Variants in ADARB2 observed in about 807,000 individuals in gnomAD.
ADARB2 encodes the protein adenosine deaminase RNA specific B2 (inactive).
ADARB2 carries 25 observed loss-of-function variants against 62.2 expected under a neutral mutation model. The ratio of observed to expected loss-of-function variants is 0.40; its 90% CI spans 0.29 to 0.56. ADARB2 has a LOEUF of 0.56. Ranked by LOEUF, ADARB2 falls within the 20% of genes least tolerant of loss-of-function variation. The pLI is 0.43. For synonymous variants in ADARB2, 572 were observed against 500.8 expected (o/e 1.14, Z -1.90); for missense variants, 1,071 against 1,077.4 (o/e 0.99, Z 0.08).
intron 1 of ADARB2, among the ~76,000 whole-genome samples, chr10:1,406,285 A>G (rs1199522666): frequency 6.6e-6 from 1 of 152,206 alleles, no homozygotes; most frequent in African/African-American, 2.4e-5. Flanking sequence ...CCAGGGGCTC[A>G]GGCAGGGAGC....
intron 1 of ADARB2, among the ~76,000 whole-genome samples, chr10:1,494,492 C>A (rs61831912): frequency 0.16 from 23,940 of 152,118 alleles, 2,252 homozygotes; most frequent in Middle Eastern, 0.23. Context: ...CTTTGTTCTA[C>A]TTTTTCAAAT....
In ADARB2 at chr10:1,544,956, T is replaced by TATACACAC. The variant is rs10526252; in HGVS notation, c.101-165797_101-165796insGTGTGTAT. ...ATGTGAAGTCTATAATAGCAAAGTA[T>TATACACAC]ACACACACACACACACACACACACA... On this transcript the variant is annotated intron_variant, in intron 1 of 9. Transcript: ENST00000381312. Among the ~76,000 whole-genome samples, 510 of 133,932 alleles carry TATACACAC rather than the reference T, an allele frequency of 3.8e-3. 5 individuals carry two copies. The highest frequency in any genetic ancestry group is 0.012 in the African/African-American group (452 of 36,566). The allele number at this position is 133,932 out of a possible 152,430, so 87.9% of individuals were successfully genotyped here. A position where few individuals can be genotyped will look rare whatever the true frequency, so the allele number is the denominator to read the frequency against.
At chr10:1,673,340 GTGTA>G (rs1312280574) in intron 1 of ADARB2, among the ~76,000 whole-genome samples, 9 of 151,010 alleles carry the variant, frequency 6.0e-5, no homozygotes, top group African/African-American at 9.8e-5. Context: ...GTGTGTGTGT[GTGTA>G]TGTGTGTGTA....
At chr10:1,402,714 C>T (rs575549467) in intron 1 of ADARB2, among the ~76,000 whole-genome samples, 41 of 152,176 alleles carry the variant, frequency 2.7e-4, no homozygotes, top group African/African-American at 7.5e-4. Context: ...CCTCCTGCCC[C>T]GCAGCTTCCT....
intron 1 of ADARB2, among the ~76,000 whole-genome samples, chr10:1,525,972 C>T (rs12414306): frequency 0.014 from 2,147 of 151,424 alleles, 100 homozygotes; most frequent in East Asian, 0.13. Context: ...TGCTTATGTG[C>T]GTGTGTGCAT....
At chr10:1,381,155 CAT>C (rs887550814) in intron 1 of ADARB2, among the ~76,000 whole-genome samples, 46 of 137,210 alleles carry the variant, frequency 3.4e-4, no homozygotes, top group African/African-American at 1.2e-3. Context: ...GGGACACACA[CAT>C]ATATATTTGT....
intron 4 of ADARB2, among the ~76,000 whole-genome samples, chr10:1,252,988 A>C (rs772024328): frequency 1.3e-5 from 2 of 152,228 alleles, no homozygotes; most frequent in Non-Finnish European, 2.9e-5. Context: ...GAATGACAAT[A>C]CATCTGGGGA....
chr10:1,551,174 G>A (rs1832616204), intron 1 of ADARB2, among the ~76,000 whole-genome samples: 1 of 152,150 alleles, frequency 6.6e-6, no homozygotes, highest in Non-Finnish European at 1.5e-5. Context: ...GACCCTGTGA[G>A]GACACAGAGA....
intron 3 of ADARB2, among the ~76,000 whole-genome samples, chr10:1,311,197 T>C (rs557937998): frequency 2.0e-5 from 3 of 152,220 alleles, no homozygotes; most frequent in Non-Finnish European, 4.4e-5. Flanking sequence ...TGGGGAATGG[T>C]GGGCACACCA....
At chr10:1,330,596 G>T (rs767458152) in intron 3 of ADARB2, among the ~76,000 whole-genome samples, 23 of 152,110 alleles carry the variant, frequency 1.5e-4, no homozygotes, top group Non-Finnish European at 1.9e-4. Flanking sequence ...CAGTGCTGAT[G>T]GTTCTACTCA....
intron 3 of ADARB2, among the ~76,000 whole-genome samples, chr10:1,345,175 C>G (rs981898105): frequency 6.6e-6 from 1 of 152,132 alleles, no homozygotes; most frequent in African/African-American, 2.4e-5. Context: ...CCAGACCCAC[C>G]TGTCACGGTG....
At chr10:1,547,466 G>C (rs369949552) in intron 1 of ADARB2, among the ~76,000 whole-genome samples, 53 of 89,638 alleles carry the variant, frequency 5.9e-4, no homozygotes, top group African/African-American at 1.0e-3. Context: ...GTGTTGGGGG[G>C]AGAGGCTGCA....
chr10:1,259,661 G>C (rs1231333277), intron 4 of ADARB2, among the ~76,000 whole-genome samples: 2 of 152,122 alleles, frequency 1.3e-5, no homozygotes, highest in African/African-American at 4.8e-5. Context: ...ATAATTAATA[G>C]CTTACCAACC....
At chr10:1,285,835 T>C (rs1034134242) in intron 3 of ADARB2, among the ~76,000 whole-genome samples, 2 of 152,250 alleles carry the variant, frequency 1.3e-5, no homozygotes, top group African/African-American at 4.8e-5. Context: ...TTTGCAGCAG[T>C]AGTCCTCAGG....
chr10:1,471,787 T>C (rs1831325380), intron 1 of ADARB2, among the ~76,000 whole-genome samples: 1 of 152,254 alleles, frequency 6.6e-6, no homozygotes, highest in South Asian at 2.1e-4. Context: ...TATTTGCTAC[T>C]TTATGTGTGC....
intron 1 of ADARB2, among the ~76,000 whole-genome samples, chr10:1,397,432 G>A (rs61833617): frequency 5.0e-3 from 13 of 2,584 alleles, no homozygotes; most frequent in South Asian, 0.029. Flanking sequence ...GTCACCGTCC[G>A]TCTCTCCCCT....
chr10:1,393,198 T>A (rs909034846), intron 1 of ADARB2, among the ~76,000 whole-genome samples: 1 of 152,242 alleles, frequency 6.6e-6, no homozygotes, highest in African/African-American at 2.4e-5. Flanking sequence ...CTCTGTTGGT[T>A]AAAATGTTTC....
intron 4 of ADARB2, among the ~76,000 whole-genome samples, chr10:1,261,915 G>A (rs1469606691): frequency 6.7e-6 from 1 of 148,576 alleles, no homozygotes; most frequent in Non-Finnish European, 1.5e-5. Context: ...ATGATAGACT[G>A]GATTAAGAAA....
intron 9 of ADARB2, among the ~76,000 whole-genome samples, chr10:1,183,843 C>T (rs1203578023): frequency 2.6e-5 from 4 of 152,166 alleles, no homozygotes; most frequent in East Asian, 3.9e-4. Flanking sequence ...ACCCCCACCA[C>T]GGGGCAGGGA....
Sources: allele counts gnomAD v4.1 joint callset (sites outside exome capture counted in the v4.1 genomes callset), GRCh38; gene constraint gnomAD v4.1.1; transcripts MANE v1.5; gene names NCBI Gene and HGNC (gene_info 2026-07-23, HGNC 2026-07-21).